NR6A1: variants seen among roughly 807,000 people sequenced by gnomAD.
NR6A1 encodes the protein retinoic acid receptor-related testis-associated receptor.
Under a neutral mutation model 59.1 loss-of-function variants are expected in NR6A1, and 7 were observed. The ratio of observed to expected loss-of-function variants is 0.12; its 90% confidence interval spans 0.07 to 0.22. The LOEUF is 0.22. Ranked by LOEUF, NR6A1 falls within the 10% of genes least tolerant of loss-of-function variation. NR6A1 has a pLI of 1.00. For synonymous variants in NR6A1, 243 were observed against 236.1 expected (o/e 1.03, Z -0.27); for missense variants, 468 against 611.6 (o/e 0.77, Z 2.48).
intron 8 of NR6A1, 132 bp from the exon 9 acceptor site, chr9:124,525,005 T>C: frequency 1.9e-6 from 2 of 1,046,894 alleles, no homozygotes; most frequent in African/African-American, 1.6e-5. Flanking sequence ...ACAGGAGATC[T>C]CCTCTGATAG....
In NR6A1 at chr9:124,528,096, A is replaced by G. The variant is rs893528982; in HGVS notation, c.1080-1196T>C. ...GCCTGTGCCAAGCCAAGAAGGCCCT[A>G]TCTGGGTAGGGTCCAGAACACCTGG... On this transcript the variant is annotated intron_variant, in intron 7 of 9. Transcript: ENST00000487099. 3.3e-5 allele frequency among the ~76,000 whole-genome samples: 5 copies of G among 152,244 alleles called. No individual in the cohort carries two copies. The South Asian group carries it at 1.0e-3, about 32-fold the overall frequency.
chr9:124,574,486 C>T (rs140349434), intron 2 of NR6A1, among the ~76,000 whole-genome samples: 9 of 152,300 alleles, frequency 5.9e-5, no homozygotes, highest in South Asian at 2.1e-4. Flanking sequence ...TTGAACATCT[C>T]CAGTGATAAA....
chr9:124,704,528 A>C (rs1839065821), intron 2 of NR6A1, among the ~76,000 whole-genome samples: 1 of 152,052 alleles, frequency 6.6e-6, no homozygotes. Flanking sequence ...CTCCCACCTC[A>C]GCCTCCCAAG....
intron 2 of NR6A1, among the ~76,000 whole-genome samples, chr9:124,633,130 C>A (rs985765455): frequency 1.3e-5 from 2 of 152,086 alleles, no homozygotes; most frequent in African/African-American, 4.8e-5. Flanking sequence ...TCAGGCCGGG[C>A]GCAGTGGCTC....
At chr9:124,530,183 C>T (rs1361369625) in intron 7 of NR6A1, among the ~76,000 whole-genome samples, 2 of 152,172 alleles carry the variant, frequency 1.3e-5, no homozygotes, top group African/African-American at 4.8e-5. Context: ...CCTGTCCATA[C>T]ACCCTAGATC....
intron 1 of NR6A1, among the ~76,000 whole-genome samples, chr9:124,741,645 T>C (rs16927616): frequency 0.039 from 5,976 of 152,296 alleles, 338 homozygotes; most frequent in African/African-American, 0.12. Flanking sequence ...TAAAGCCTAC[T>C]GAAGAAAAAA....
intron 1 of NR6A1, among the ~76,000 whole-genome samples, chr9:124,742,975 A>C (rs2131152146): frequency 6.6e-6 from 1 of 152,348 alleles, no homozygotes; most frequent in South Asian, 2.1e-4. Flanking sequence ...AGATTCTAGA[A>C]ACTTCCCTTT....
At chr9:124,615,204 T>C (rs1295283615) in intron 2 of NR6A1, among the ~76,000 whole-genome samples, 1 of 152,216 alleles carries the variant, frequency 6.6e-6, no homozygotes, top group East Asian at 1.9e-4. Flanking sequence ...AATTCCATCA[T>C]TACAATGCCC....
At chr9:124,632,992 G>A (rs1457805327) in intron 2 of NR6A1, among the ~76,000 whole-genome samples, 1 of 152,106 alleles carries the variant, frequency 6.6e-6, no homozygotes, top group Non-Finnish European at 1.5e-5. Flanking sequence ...TTCCACACAA[G>A]CTGAAAAGAA....
chr9:124,531,927 T>C (rs542293624), intron 7 of NR6A1, among the ~76,000 whole-genome samples: 1 of 152,342 alleles, frequency 6.6e-6, no homozygotes, highest in South Asian at 2.1e-4. Flanking sequence ...AACAGCCTCC[T>C]TCCTACCCAG....
At chr9:124,602,252 G>C (rs183055427) in intron 2 of NR6A1, among the ~76,000 whole-genome samples, 93 of 152,226 alleles carry the variant, frequency 6.1e-4, no homozygotes, top group African/African-American at 2.1e-3. Flanking sequence ...GAAAACAAAG[G>C]AATCAGATAC....
intron 1 of NR6A1, among the ~76,000 whole-genome samples, chr9:124,751,039 A>G (rs1320706480): frequency 7.4e-6 from 1 of 135,168 alleles, no homozygotes; most frequent in Admixed American, 7.8e-5. Flanking sequence ...CATCTCTCCC[A>G]CTTAGGGGGC....
At chr9:124,630,445 C>T (rs151265499) in intron 2 of NR6A1, among the ~76,000 whole-genome samples, 5,751 of 149,658 alleles carry the variant, frequency 0.038, 329 homozygotes, top group African/African-American at 0.12. Flanking sequence ...TTATATTGGT[C>T]AGGCTGGTCT....
At chr9:124,572,130 A>G (rs1221331763) in intron 2 of NR6A1, among the ~76,000 whole-genome samples, 5 of 152,362 alleles carry the variant, frequency 3.3e-5, no homozygotes, top group African/African-American at 1.2e-4. Flanking sequence ...AACTGAGAAC[A>G]GGCTGAGGGA....
chr9:124,536,480 G>A (rs1044996285), intron 6 of NR6A1, among the ~76,000 whole-genome samples: 1 of 152,082 alleles, frequency 6.6e-6, no homozygotes, highest in African/African-American at 2.4e-5. Context: ...CCAACATGGT[G>A]AAACCCCATC....
intron 1 of NR6A1, among the ~76,000 whole-genome samples, chr9:124,761,482 C>T (rs758982125): frequency 1.9e-4 from 29 of 152,308 alleles, no homozygotes; most frequent in Non-Finnish European, 4.0e-4. Context: ...ATTTCTAACT[C>T]TTTAACAACA....
At chr9:124,557,951 T>C (rs781671254) in intron 2 of NR6A1, among the ~76,000 whole-genome samples, 1 of 152,200 alleles carries the variant, frequency 6.6e-6, no homozygotes, top group Non-Finnish European at 1.5e-5. Context: ...CCACCACAAC[T>C]AGGTAGGCTT....
intron 2 of NR6A1, among the ~76,000 whole-genome samples, chr9:124,617,529 A>G (rs1306708063): frequency 6.6e-6 from 1 of 152,150 alleles, no homozygotes; most frequent in African/African-American, 2.4e-5. Flanking sequence ...CTGATGAGCT[A>G]TTTTCAAAGG....
intron 1 of NR6A1, among the ~76,000 whole-genome samples, chr9:124,761,195 G>A (rs528849829): frequency 6.6e-6 from 1 of 152,138 alleles, no homozygotes; most frequent in Admixed American, 6.5e-5. Context: ...TAAAAGAAAG[G>A]CTTGTATTTT....
Sources: gnomAD v4.1 joint callset for allele counts (sites outside exome capture counted in the v4.1 genomes callset) on GRCh38, gnomAD v4.1.1 for gene constraint, MANE v1.5 for transcripts, NCBI Gene and HGNC (gene_info 2026-07-23, HGNC 2026-07-21) for gene names.